The following TAPT1 variants were observed in gnomAD, a reference collection of about 807,000 sequenced individuals.
The protein encoded by TAPT1 is transmembrane anterior posterior transformation 1, also known as transmembrane anterior posterior transformation protein 1 homolog.
In TAPT1, 28 loss-of-function variants were observed where a neutral mutation model predicts 65.6. That is an observed-to-expected ratio of 0.43 (90% CI 0.32 to 0.59). The LOEUF is 0.59. TAPT1 is among the 20% of genes least tolerant of loss of function. TAPT1 has a pLI of 0.09. For synonymous variants in TAPT1, 278 were observed against 245.2 expected (o/e 1.13, Z -1.25); for missense variants, 563 against 679.9 (o/e 0.83, Z 1.91).
At chr4:16,163,802 G>T (rs902706943) in intron 13 of TAPT1, among the ~76,000 whole-genome samples, 1 of 152,186 alleles carries the variant, frequency 6.6e-6, no homozygotes, top group African/African-American at 2.4e-5. Context: ...ACTGCAGAAA[G>T]ATCACAACTC....
At chr4:16,203,175 C>A (rs147629230) in intron 2 of TAPT1, among the ~76,000 whole-genome samples, 5 of 152,238 alleles carry the variant, frequency 3.3e-5, no homozygotes, top group African/African-American at 1.2e-4. Context: ...GACTATATTT[C>A]ACAGAAAGAG....
At chr4:16,166,991 C>CCT (rs1747678907) in intron 12 of TAPT1, 198 bp from the exon 13 acceptor site, 2 of 160,676 alleles carry the variant, frequency 1.2e-5, no homozygotes, top group South Asian at 9.1e-5. Context: ...CCTTAGTTCT[C>CCT]TTTTTTTTTT....
At position 16,198,387 on chromosome 4, in the gene TAPT1, T is replaced by C. The variant is rs140380101; in HGVS notation, c.449+4075A>G. 5.5e-4 allele frequency among the ~76,000 whole-genome samples: 83 copies of C among 152,290 alleles called. 1 individual carries two copies. In the East Asian group the frequency reaches 0.016, roughly 29 times the overall value. ...AAGGCAATAATTTACATTATTGATG[T>C]GATACTGAACCAAACAGTTCTAGAG... On this transcript the variant is annotated intron_variant, in intron 3 of 13. Transcript: ENST00000405303.
chr4:16,186,869 G>T lies in TAPT1; in HGVS notation c.758C>A (p.Ala253Glu). 6.2e-7 allele frequency: 1 copy of T among 1,606,348 alleles called. No homozygotes were observed. The highest frequency in any genetic ancestry group is 1.1e-5 in the South Asian group (1 of 90,284). The stretch of plus-strand genomic sequence containing the variant: ...TGTTGCTTGAACCATTATAAGAATT[G>T]CATGCAAAACTAATAGAAGGTCAAG... ...FMAVLYVFLH[A>E]ILIMVQATTL... Residue 253 changes from alanine (A) to glutamate (E), a missense_variant, in exon 6 of 14, where the codon GCA becomes GAA. Coordinates refer to ENST00000405303, the MANE Select transcript of TAPT1 (RefSeq NM_153365.3).
chr4:16,197,602 T>C (rs140089946), intron 3 of TAPT1, among the ~76,000 whole-genome samples: 1 of 152,356 alleles, frequency 6.6e-6, no homozygotes, highest in East Asian at 1.9e-4. Context: ...GGATGTTTCG[T>C]ACCTCTAACA....
intron 4 of TAPT1, among the ~76,000 whole-genome samples, 165 bp from the exon 5 acceptor site, chr4:16,188,520 T>A (rs1749158242): frequency 1.3e-5 from 2 of 152,236 alleles, no homozygotes. Flanking sequence ...CACATTTCTT[T>A]ATTCTTTAAC....
intron 1 of TAPT1, among the ~76,000 whole-genome samples, chr4:16,222,842 CAGAGTCACTGTTAAA>C (rs1034638247): frequency 2.0e-5 from 3 of 152,120 alleles, no homozygotes; most frequent in Admixed American, 1.3e-4. Context: ...TTTAGAAGTC[CAGAGTCACTGTTAAA>C]GAAGAAAGAA....
At chr4:16,191,271 G>A (rs1749355262) in intron 4 of TAPT1, 90 bp downstream of exon 4, 1 of 1,317,716 alleles carries the variant, frequency 7.6e-7, no homozygotes, top group Non-Finnish European at 1.0e-6. Flanking sequence ...AGAGTCGGTA[G>A]AGCATTCTTG....
chr4:16,226,470 A>C lies in TAPT1; in HGVS notation c.-13T>G. On this transcript the variant is annotated 5_prime_UTR_variant, in exon 1 of 14. Coordinates refer to ENST00000405303, the MANE Select transcript of TAPT1 (RefSeq NM_153365.3). ...CGACGCCCGCCATGTTCCGAGCACA[A>C]CAAACTGTCCCCGCCGCCTCCCTCC... 1 of 1,053,286 alleles carries C rather than the reference A, an allele frequency of 9.5e-7. No homozygotes were observed. The highest frequency in any genetic ancestry group is 4.4e-5 in the South Asian group (1 of 22,702). 65.2% of individuals were successfully genotyped at this position (1,053,286 alleles called of 1,614,324 possible).
At chr4:16,190,088 T>C (rs1749274444) in intron 4 of TAPT1, 1 of 152,164 alleles carries the variant, frequency 6.6e-6, no homozygotes, top group Non-Finnish European at 1.5e-5. Context: ...TAGAATCAGG[T>C]AGCTGGGGTA....
intron 8 of TAPT1, among the ~76,000 whole-genome samples, chr4:16,179,233 G>C (rs1238206251): frequency 1.3e-5 from 2 of 152,124 alleles, no homozygotes; most frequent in Non-Finnish European, 2.9e-5. Flanking sequence ...ATTGCTCCTA[G>C]GCTACAAAAC....
intron 1 of TAPT1, among the ~76,000 whole-genome samples, chr4:16,218,670 C>T (rs1187485832): frequency 6.6e-6 from 1 of 152,202 alleles, no homozygotes; most frequent in African/African-American, 2.4e-5. Context: ...GCCTTATCCA[C>T]AGAATCATCA....
intron 7 of TAPT1, among the ~76,000 whole-genome samples, chr4:16,180,125 C>G (rs1250432173): frequency 6.6e-6 from 1 of 152,074 alleles, no homozygotes; most frequent in East Asian, 1.9e-4. Context: ...CTGATGAGTC[C>G]TTTAGCTGAG....
rs73234639 is a variant in TAPT1, at chr4:16,179,805, T to A, written c.917-148A>T. Reference sequence around the variant, plus strand: ...ATACAACTTTATATATATATATATGTGTGTGTGTGTGTGTGTGTGTGTATA... The same window carrying A: ...ATACAACTTTATATATATATATATGAGTGTGTGTGTGTGTGTGTGTGTATA... On this transcript the variant is annotated intron_variant, in intron 7 of 13. Coordinates refer to ENST00000405303, the MANE Select transcript of TAPT1 (RefSeq NM_153365.3). The A allele has an allele frequency of 0.34, 85,594 of 251,504 alleles. 9,079 individuals carry two copies. The highest frequency in any genetic ancestry group is 0.39 in the South Asian group (3,666 of 9,496). 15.6% of individuals were successfully genotyped at this position (251,504 alleles called of 1,614,324 possible).
intron 3 of TAPT1, among the ~76,000 whole-genome samples, chr4:16,195,872 T>C (rs1356518550): frequency 6.6e-6 from 1 of 152,176 alleles, no homozygotes; most frequent in African/African-American, 2.4e-5. Context: ...AGAAGGAAGA[T>C]GTGGCACCAA....
At chr4:16,211,286 C>T in intron 2 of TAPT1, among the ~76,000 whole-genome samples, 1 of 151,622 alleles carries the variant, frequency 6.6e-6, no homozygotes, top group East Asian at 1.9e-4. Context: ...ACAAAAAAAG[C>T]CAATAAAAAA....
intron 1 of TAPT1, among the ~76,000 whole-genome samples, chr4:16,218,981 A>C (rs1423035766): frequency 8.5e-5 from 13 of 152,214 alleles, no homozygotes; most frequent in Admixed American, 8.5e-4. Context: ...CTACCTCTAG[A>C]TATCCAAGAA....
At chr4:16,223,563 G>T (rs1751379600) in intron 1 of TAPT1, among the ~76,000 whole-genome samples, 1 of 152,196 alleles carries the variant, frequency 6.6e-6, no homozygotes, top group Admixed American at 6.5e-5. Flanking sequence ...GTTAAAAGGT[G>T]TAAGTACTCG....
At chr4:16,193,405 T>C (rs929909165) in intron 3 of TAPT1, among the ~76,000 whole-genome samples, 1 of 152,230 alleles carries the variant, frequency 6.6e-6, no homozygotes, top group Non-Finnish European at 1.5e-5. Context: ...TTTTTCACCA[T>C]GACTTTCTTT....
Sources: allele counts gnomAD v4.1 joint callset (sites outside exome capture counted in the v4.1 genomes callset), GRCh38; gene constraint gnomAD v4.1.1; transcripts MANE v1.5; gene names NCBI Gene and HGNC (gene_info 2026-07-23, HGNC 2026-07-21).